Variants in HIVEP3 observed in about 807,000 individuals in gnomAD.
HIVEP3 encodes the protein HIVEP zinc finger 3, also known as transcription factor HIVEP3.
HIVEP3 carries 49 observed loss-of-function variants against 152.8 expected under a neutral mutation model. That is an observed-to-expected ratio of 0.32 (90% CI 0.26 to 0.41). The LOEUF (loss-of-function observed/expected upper bound fraction) is 0.41, where lower values mean the gene tolerates loss of function less well. Among genes scored for constraint, HIVEP3 ranks in the 10% least tolerant of loss-of-function variants. The probability of loss-of-function intolerance (pLI) is 1.00; values close to 1 mark genes in which losing one functional copy is unlikely to be tolerated. For synonymous variants in HIVEP3, 1,269 were observed against 1,289.0 expected (o/e 0.98, Z 0.33); for missense variants, 2,790 against 3,103.3 (o/e 0.90, Z 2.40).
At chr1:41,899,757 T>C (rs1644590935) in intron 1 of HIVEP3, among the ~76,000 whole-genome samples, 1 of 152,210 alleles carries the variant, frequency 6.6e-6, no homozygotes, top group Non-Finnish European at 1.5e-5. Flanking sequence ...CATTGAATCA[T>C]TTAACTCTCC....
intron 1 of HIVEP3, among the ~76,000 whole-genome samples, chr1:41,876,118 T>TG (rs932822401): frequency 1.4e-5 from 2 of 147,742 alleles, no homozygotes; most frequent in East Asian, 1.9e-4. Context: ...AGTGTTAAGT[T>TG]TTTTTTTTTT....
At chr1:41,697,089 A>C (rs948101106) in intron 2 of HIVEP3, among the ~76,000 whole-genome samples, 1 of 152,214 alleles carries the variant, frequency 6.6e-6, no homozygotes, top group African/African-American at 2.4e-5. Flanking sequence ...CAAAGCAGGA[A>C]GCAGAGAGGC....
In HIVEP3 at chr1:41,583,156, A is replaced by G. The variant is rs1270507344; in HGVS notation, c.1642T>C (p.Cys548Arg). 1 of 1,610,726 alleles carries G rather than the reference A, an allele frequency of 6.2e-7. No individual in the cohort carries two copies. The highest frequency in any genetic ancestry group is 2.2e-5 in the East Asian group (1 of 44,798). ...LRSHSMPSAA[C>R]TISTPHHPFR... ...GGGTGGTGGGGGGTGCTGATAGTGCAGGCGGCAGAAGGCATTGAGTGGCTT... is the reference window on the plus strand; with the variant it reads ...GGGTGGTGGGGGGTGCTGATAGTGCGGGCGGCAGAAGGCATTGAGTGGCTT... The change falls in exon 4 of 9, where the codon TGC becomes CGC. Residue 548 changes from cysteine (C) to arginine (R), a missense_variant. By Grantham distance (180) the Cys-to-Arg change is radical. Around this residue, in one of 9 missense-constraint regions of HIVEP3, gnomAD observed 339 missense variants for 327.0 expected, o/e 1.04. Coordinates refer to ENST00000372583, the MANE Select transcript of HIVEP3 (RefSeq NM_024503.5). The surrounding 1 kb of genome is among the most constrained non-coding windows in gnomAD (Gnocchi z 6.9).
Position 41,510,926 on chromosome 1 carries a change from C to A in HIVEP3, c.6746G>T (p.Ser2249Ile). 2.5e-6 allele frequency: 4 copies of A among 1,613,568 alleles called. No individual in the cohort carries two copies. The highest frequency in any genetic ancestry group is 3.4e-6 in the Non-Finnish European group (4 of 1,179,878). Residue 2249 changes from serine (S) to isoleucine (I), a missense_variant, in exon 9 of 9, where the codon AGC becomes ATC. Coordinates refer to ENST00000372583, the MANE Select transcript of HIVEP3 (RefSeq NM_024503.5). ...QERGRWSPTE[S>I]SSASVSPVAK... Reference sequence around the variant, plus strand: ...CACAGGCGACACGGAGGCTGACGAGCTCTCAGTGGGACTCCAGCGGCCTCG... The same window carrying A: ...CACAGGCGACACGGAGGCTGACGAGATCTCAGTGGGACTCCAGCGGCCTCG...
At chr1:41,829,094 G>T (rs1476471608) in intron 1 of HIVEP3, among the ~76,000 whole-genome samples, 5 of 151,852 alleles carry the variant, frequency 3.3e-5, no homozygotes. Flanking sequence ...GGCTTGGCCT[G>T]CCTGGCCAGG....
intron 3 of HIVEP3, among the ~76,000 whole-genome samples, chr1:41,609,173 T>C (rs775508096): frequency 1.8e-4 from 28 of 152,360 alleles, no homozygotes; most frequent in Non-Finnish European, 2.8e-4. Flanking sequence ...ACTCATTGGC[T>C]GAGGCCAATG....
At chr1:41,722,495 CCCCTT>C (rs570710250) in intron 1 of HIVEP3, among the ~76,000 whole-genome samples, 1,574 of 136,442 alleles carry the variant, frequency 0.012, 14 homozygotes, top group Non-Finnish European at 0.016. Context: ...CCTCTCCCCT[CCCCTT>C]CCCTTCCCTT....
intron 1 of HIVEP3, among the ~76,000 whole-genome samples, chr1:41,911,779 A>G (rs1461233184): frequency 6.6e-6 from 1 of 152,230 alleles, no homozygotes; most frequent in Non-Finnish European, 1.5e-5. Flanking sequence ...TTTAACAACC[A>G]GTTGGTACAG....
intron 1 of HIVEP3, among the ~76,000 whole-genome samples, chr1:41,932,678 T>G (rs1427281597): frequency 1.3e-5 from 2 of 151,866 alleles, no homozygotes; most frequent in African/African-American, 4.8e-5. Context: ...GTATTGATTT[T>G]TGCTCTTATT....
chr1:41,702,241 C>T (rs1438239754), intron 1 of HIVEP3, among the ~76,000 whole-genome samples: 2 of 152,196 alleles, frequency 1.3e-5, no homozygotes, highest in East Asian at 3.8e-4. Flanking sequence ...ACAGCAGCAG[C>T]AGCAGCACCA....
At chr1:41,669,038 C>CT (rs1292197698) in intron 2 of HIVEP3, among the ~76,000 whole-genome samples, 6 of 152,272 alleles carry the variant, frequency 3.9e-5, no homozygotes, top group African/African-American at 1.4e-4. Context: ...ACTCCAGACT[C>CT]TTAGTCCAGT....
rs1021685629 is a variant in HIVEP3, at chr1:42,031,293, G to A, written n.119+4514C>T. 2.0e-5 allele frequency among the ~76,000 whole-genome samples: 3 copies of A among 152,282 alleles called. No individual in the cohort carries two copies. In the East Asian group the frequency reaches 5.8e-4, roughly 29 times the overall value. On this transcript the variant is annotated intron_variant and non_coding_transcript_variant, in intron 1 of 3. Coordinates refer to the HIVEP3 transcript ENST00000489103. ...CCAGTTATTGAAATACCTCCTGGGT[G>A]GCAGGCAAACACCTGTGTTCCAGCA...
intron 1 of HIVEP3, among the ~76,000 whole-genome samples, chr1:41,820,176 A>G (rs559075970): frequency 1.3e-5 from 2 of 152,320 alleles, no homozygotes; most frequent in African/African-American, 4.8e-5. Flanking sequence ...AGAGAGAGTT[A>G]TGTTTAAATC....
At chr1:41,829,902 T>C (rs1163613586) in intron 1 of HIVEP3, among the ~76,000 whole-genome samples, 1 of 152,232 alleles carries the variant, frequency 6.6e-6, no homozygotes, top group Non-Finnish European at 1.5e-5. Context: ...AAGCATTCAA[T>C]AAGTATTAGT....
intron 1 of HIVEP3, among the ~76,000 whole-genome samples, chr1:41,767,146 A>C (rs915080967): frequency 7.2e-5 from 11 of 152,096 alleles, no homozygotes; most frequent in African/African-American, 2.4e-4. Context: ...ACATCTCATC[A>C]AATGCATCAT....
At chr1:41,526,795 ACG>A in intron 5 of HIVEP3, among the ~76,000 whole-genome samples, 1 of 130,282 alleles carries the variant, frequency 7.7e-6, no homozygotes, top group Admixed American at 7.6e-5. Context: ...ACACCCTCAC[ACG>A]CTCACCCTCA....
chr1:41,638,310 AGGAAAAG>A (rs1345608769), intron 2 of HIVEP3, among the ~76,000 whole-genome samples: 2,770 of 131,078 alleles, frequency 0.021, 61 homozygotes, highest in African/African-American at 0.038. Context: ...AGAGAAAGAA[AGGAAAAG>A]GAAAGAAAGA....
chr1:41,768,030 C>T (rs1029961984), intron 1 of HIVEP3, among the ~76,000 whole-genome samples: 1 of 152,196 alleles, frequency 6.6e-6, no homozygotes, highest in Non-Finnish European at 1.5e-5. Flanking sequence ...GATGAAGAAA[C>T]GGAGGCCAAA....
intron 1 of HIVEP3, among the ~76,000 whole-genome samples, chr1:42,032,631 T>C (rs1291528853): frequency 6.6e-6 from 1 of 152,108 alleles, no homozygotes; most frequent in Non-Finnish European, 1.5e-5. Flanking sequence ...CTCCCAAGCC[T>C]CCATCCTCTT....
Sources: gnomAD v4.1 joint callset for allele counts (sites outside exome capture counted in the v4.1 genomes callset) on GRCh38, gnomAD v4.1.1 for gene constraint, gnomAD v4.1.1 regional missense constraint, Gnocchi (gnomAD v3.1) non-coding constraint, MANE v1.5 for transcripts, NCBI Gene and HGNC (gene_info 2026-07-23, HGNC 2026-07-21) for gene names.